The following SERPINA6 variants were observed in gnomAD, a reference collection of about 807,000 sequenced individuals.
The protein encoded by SERPINA6 is corticosteroid-binding globulin.
A neutral mutation model predicts 26.4 loss-of-function variants in SERPINA6; 19 were observed. The observed-to-expected ratio is 0.72, with a 90% CI of 0.50 to 1.06. The LOEUF (loss-of-function observed/expected upper bound fraction) is 1.06. Ranked by LOEUF, SERPINA6 falls within the 50% of genes least tolerant of loss-of-function variation. SERPINA6 has a pLI of 0.00. For synonymous variants in SERPINA6, 196 were observed against 199.4 expected (o/e 0.98, Z 0.14); for missense variants, 473 against 504.0 (o/e 0.94, Z 0.59).
intron 1 of SERPINA6, among the ~76,000 whole-genome samples, chr14:94,316,836 GC>G (rs1021577523): frequency 1.3e-4 from 20 of 152,180 alleles, no homozygotes; most frequent in African/African-American, 4.6e-4. Context: ...GTGTTTACCA[GC>G]CCTGAACACT....
intron 3 of SERPINA6, among the ~76,000 whole-genome samples, chr14:94,306,738 C>A (rs1375883022): frequency 2.0e-5 from 3 of 152,200 alleles, no homozygotes; most frequent in Non-Finnish European, 2.9e-5. Context: ...GGTGCGAAAT[C>A]TCTGTGATTC....
intron 3 of SERPINA6, among the ~76,000 whole-genome samples, 175 bp downstream of exon 3, chr14:94,309,561 G>A (rs534940734): frequency 2.0e-5 from 3 of 152,276 alleles, no homozygotes; most frequent in African/African-American, 4.8e-5. Flanking sequence ...ATAAATAAGC[G>A]TGAGCTCTAG....
At chr14:94,312,816 G>C (rs1054446502) in intron 2 of SERPINA6, among the ~76,000 whole-genome samples, 12 of 151,996 alleles carry the variant, frequency 7.9e-5, no homozygotes, top group Non-Finnish European at 1.5e-4. Context: ...ACAGTCTGAT[G>C]GGAGGTCCTG....
At chr14:94,312,848 G>A (rs1275276656) in intron 2 of SERPINA6, among the ~76,000 whole-genome samples, 1 of 152,020 alleles carries the variant, frequency 6.6e-6, no homozygotes, top group Non-Finnish European at 1.5e-5. Flanking sequence ...GGGAGGAGGG[G>A]AAGGGGGCAT....
chr14:94,321,287 C>A (rs906081243), intron 1 of SERPINA6, among the ~76,000 whole-genome samples: 1 of 152,078 alleles, frequency 6.6e-6, no homozygotes, highest in Middle Eastern at 3.2e-3. Context: ...CTCAAAAATT[C>A]AAGCTGATCG....
intron 1 of SERPINA6, among the ~76,000 whole-genome samples, chr14:94,316,626 C>T (rs375831769): frequency 6.6e-6 from 1 of 152,144 alleles, no homozygotes; most frequent in Admixed American, 6.5e-5. Flanking sequence ...GGGCTCTACC[C>T]TCATAAAAGG....
intron 1 of SERPINA6, among the ~76,000 whole-genome samples, chr14:94,317,751 C>T (rs932053603): frequency 1.3e-5 from 2 of 152,138 alleles, no homozygotes; most frequent in African/African-American, 4.8e-5. Flanking sequence ...CTTTTATACT[C>T]AATAGTGAAA....
chr14:94,313,902 T>C (rs578066415), intron 2 of SERPINA6, 134 bp downstream of exon 2: 13 of 950,700 alleles, frequency 1.4e-5, no homozygotes, highest in South Asian at 5.2e-5. Flanking sequence ...AGGATTGTGG[T>C]GAAGATGGAG....
intron 3 of SERPINA6, among the ~76,000 whole-genome samples, chr14:94,307,367 C>G (rs1445888357): frequency 6.6e-6 from 1 of 152,210 alleles, no homozygotes; most frequent in Non-Finnish European, 1.5e-5. Context: ...GGCAACAGAA[C>G]TGAAAAGGCC....
chr14:94,310,135 G>T lies in SERPINA6; in HGVS notation c.614-129C>A, dbSNP rs1400959123. 17 of 893,372 alleles carry T rather than the reference G, an allele frequency of 1.9e-5. No individual in the cohort carries two copies. In the South Asian group the frequency reaches 2.5e-4, roughly 13 times the overall value. The allele number at this position is 893,372 out of a possible 1,614,324, so 55.3% of individuals were successfully genotyped here. A position where few individuals can be genotyped will look rare whatever the true frequency, so the allele number is the denominator to read the frequency against. The stretch of plus-strand genomic sequence containing the variant: ...TGGAATGTCCCCATTCAAGCCTCAA[G>T]GGTTTTTAGGTAAGATATAAAAATT... On this transcript the variant is annotated intron_variant, in intron 2 of 4. Transcript: ENST00000341584.
intron 1 of SERPINA6, among the ~76,000 whole-genome samples, chr14:94,316,315 C>T (rs1291902592): frequency 6.6e-6 from 1 of 152,138 alleles, no homozygotes; most frequent in Non-Finnish European, 1.5e-5. Context: ...CCTATTTGCA[C>T]TTGAGAAGAA....
chr14:94,304,334 GA>G lies in SERPINA6; in HGVS notation c.*83del. On this transcript the variant is annotated 3_prime_UTR_variant, in exon 5 of 5. Coordinates refer to ENST00000341584, the MANE Select transcript of SERPINA6 (RefSeq NM_001756.4). ...GAGAAGAACTTGGAGGAGATTGGGGGAAACCTCCCGCTCTCCAAAACATTTC... is the reference window on the plus strand; with the variant it reads ...GAGAAGAACTTGGAGGAGATTGGGGGAACCTCCCGCTCTCCAAAACATTTC... The G allele has an allele frequency of 7.2e-7, 1 of 1,394,208 alleles. No individual in the cohort carries two copies. Among genetic ancestry groups the G allele is most frequent in the Non-Finnish European group, 1.0e-6 (1 of 980,400 alleles). 86.4% of individuals were successfully genotyped at this position (1,394,208 alleles called of 1,614,324 possible). A position where few individuals can be genotyped will look rare whatever the true frequency, so the allele number is the denominator to read the frequency against.
intron 3 of SERPINA6, among the ~76,000 whole-genome samples, chr14:94,306,507 G>C (rs1168213661): frequency 3.3e-5 from 5 of 152,210 alleles, no homozygotes; most frequent in Admixed American, 3.3e-4. Flanking sequence ...GCTGGACCAT[G>C]GAGCATTTAA....
At chr14:94,320,854 T>C (rs542013789) in intron 1 of SERPINA6, among the ~76,000 whole-genome samples, 18 of 152,274 alleles carry the variant, frequency 1.2e-4, no homozygotes, top group Middle Eastern at 3.4e-3. Flanking sequence ...CTTTAGATAA[T>C]AGAGGCAGGT....
In SERPINA6 at chr14:94,314,304, G is replaced by T. The variant is rs1425142387; in HGVS notation, c.345C>A (p.Leu115=). ...IHQGFQHLHQ[L]FAKSDTSLEM... is the part of the protein sequence containing the mutation. ...CTAAGCTGGTGTCTGACTTTGCAAAGAGTTGGTGCAGGTGCTGGAAACCCT... is the reference window on the plus strand; with the variant it reads ...CTAAGCTGGTGTCTGACTTTGCAAATAGTTGGTGCAGGTGCTGGAAACCCT... The change falls in exon 2 of 5, where the codon CTC becomes CTA. Residue 115 remains leucine (L), a synonymous_variant. Transcript: ENST00000341584. 1 of 1,614,202 alleles carries T rather than the reference G, an allele frequency of 6.2e-7. No individual in the cohort carries two copies. The highest frequency in any genetic ancestry group is 8.5e-7 in the Non-Finnish European group (1 of 1,180,046).
intron 1 of SERPINA6, among the ~76,000 whole-genome samples, chr14:94,316,652 A>G (rs147245708): frequency 1.3e-5 from 2 of 152,354 alleles, no homozygotes; most frequent in East Asian, 3.9e-4. Context: ...GTGCCTACAT[A>G]AAAGAGGCCT....
intron 1 of SERPINA6, among the ~76,000 whole-genome samples, chr14:94,316,742 G>A (rs2139725370): frequency 6.6e-6 from 1 of 152,278 alleles, no homozygotes; most frequent in East Asian, 1.9e-4. Flanking sequence ...ATATGGGTGG[G>A]CATTTTTAAT....
At chr14:94,304,698 G>A (rs544837223) in intron 4 of SERPINA6, 95 bp from the exon 5 acceptor site, 1 of 1,105,478 alleles carries the variant, frequency 9.0e-7, no homozygotes, top group African/African-American at 1.6e-5. Flanking sequence ...TTGGTTTTAG[G>A]AAGGTAAATC....
intron 3 of SERPINA6, among the ~76,000 whole-genome samples, chr14:94,308,868 C>T (rs1895481447): frequency 6.6e-6 from 1 of 152,226 alleles, no homozygotes; most frequent in Non-Finnish European, 1.5e-5. Flanking sequence ...TTTACTCATT[C>T]TCCATTCACT....
Sources: gnomAD v4.1 joint callset for allele counts (sites outside exome capture counted in the v4.1 genomes callset) on GRCh38, gnomAD v4.1.1 for gene constraint, MANE v1.5 for transcripts, NCBI Gene and HGNC (gene_info 2026-07-23, HGNC 2026-07-21) for gene names.